The following MACROD2 variants were observed in gnomAD, a reference collection of about 807,000 sequenced individuals.
MACROD2 encodes mono-ADP ribosylhydrolase 2, also known as ADP-ribose glycohydrolase MACROD2.
In MACROD2, 36 loss-of-function variants were observed where a neutral mutation model predicts 70.4. The ratio of observed to expected loss-of-function variants is 0.51; its 90% CI spans 0.39 to 0.68. MACROD2 has a LOEUF of 0.68. MACROD2 is among the 30% of genes least tolerant of loss of function. MACROD2 has a pLI of 0.00. For missense variants in MACROD2, 496 were observed against 538.4 expected (o/e 0.92, Z 0.78); for synonymous variants, 172 against 178.8 (o/e 0.96, Z 0.30).
At chr20:14,187,546 A>G (rs1475866657) in intron 3 of MACROD2, among the ~76,000 whole-genome samples, 1 of 152,228 alleles carries the variant, frequency 6.6e-6, no homozygotes. Context: ...AAGTAATTTC[A>G]GAAAAATCAA....
intron 5 of MACROD2, among the ~76,000 whole-genome samples, chr20:14,868,104 C>G (rs979097025): frequency 6.6e-6 from 1 of 152,002 alleles, no homozygotes; most frequent in African/African-American, 2.4e-5. Flanking sequence ...GACATTATCA[C>G]TGACCTTATA....
At chr20:15,666,126 C>T (rs2049894239) in intron 8 of MACROD2, among the ~76,000 whole-genome samples, 1 of 151,990 alleles carries the variant, frequency 6.6e-6, no homozygotes, top group South Asian at 2.1e-4. Flanking sequence ...TTCTTAAGAC[C>T]TTCATAAAAT....
intron 5 of MACROD2, among the ~76,000 whole-genome samples, chr20:15,217,072 C>A (rs1329764011): frequency 6.6e-6 from 1 of 152,030 alleles, no homozygotes; most frequent in Non-Finnish European, 1.5e-5. Flanking sequence ...CCACCCGCAA[C>A]AACAAAAAAT....
intron 6 of MACROD2, among the ~76,000 whole-genome samples, chr20:15,353,855 T>G (rs2146229423): frequency 1.0e-5 from 1 of 98,314 alleles, no homozygotes; most frequent in East Asian, 3.9e-4. Context: ...AAACAACAGG[T>G]GCTGGAGAGG....
chr20:14,351,616 A>T (rs1326799355), intron 3 of MACROD2, among the ~76,000 whole-genome samples: 1 of 152,114 alleles, frequency 6.6e-6, no homozygotes, highest in Non-Finnish European at 1.5e-5. Flanking sequence ...TACTGAATTT[A>T]TCAGTTCTAA....
chr20:15,741,124 G>C (rs1486136690), intron 8 of MACROD2, among the ~76,000 whole-genome samples: 1 of 133,700 alleles, frequency 7.5e-6, no homozygotes, highest in Non-Finnish European at 1.5e-5. Context: ...GTGGAGTCTC[G>C]CTCTGTCACC....
At chr20:15,151,974 G>A (rs1265965545) in intron 5 of MACROD2, among the ~76,000 whole-genome samples, 1 of 151,924 alleles carries the variant, frequency 6.6e-6, no homozygotes, top group Non-Finnish European at 1.5e-5. Flanking sequence ...CTTGGGGTTG[G>A]GACTGAGGGG....
intron 5 of MACROD2, among the ~76,000 whole-genome samples, chr20:14,762,459 A>C (rs1389964591): frequency 1.3e-5 from 2 of 152,150 alleles, no homozygotes; most frequent in East Asian, 3.8e-4. Context: ...CAAATCAAAA[A>C]CAAAAATAAA....
At chr20:15,384,505 A>G (rs1020187648) in intron 6 of MACROD2, among the ~76,000 whole-genome samples, 2 of 152,172 alleles carry the variant, frequency 1.3e-5, no homozygotes, top group Admixed American at 1.3e-4. Flanking sequence ...CATGAACTAC[A>G]TGAAACCTCG....
intron 7 of MACROD2, among the ~76,000 whole-genome samples, chr20:15,462,902 T>A (rs2046837225): frequency 6.6e-6 from 1 of 152,294 alleles, no homozygotes; most frequent in South Asian, 2.1e-4. Flanking sequence ...AGTAAAAGGG[T>A]TTTTTCCCCT....
intron 8 of MACROD2, among the ~76,000 whole-genome samples, chr20:15,739,943 A>C (rs1352866345): frequency 6.6e-6 from 1 of 152,234 alleles, no homozygotes; most frequent in African/African-American, 2.4e-5. Context: ...TGTCTGACAC[A>C]TGGGAAACAT....
intron 5 of MACROD2, among the ~76,000 whole-genome samples, chr20:14,906,409 G>T (rs1267524748): frequency 1.3e-5 from 2 of 152,152 alleles, no homozygotes; most frequent in Admixed American, 6.5e-5. Context: ...CAGGAGAATC[G>T]CTTGAACCCG....
At chr20:15,219,877 G>C (rs1316278071) in intron 5 of MACROD2, among the ~76,000 whole-genome samples, 1 of 149,278 alleles carries the variant, frequency 6.7e-6, no homozygotes, top group South Asian at 2.1e-4. Flanking sequence ...CTAAAACAAA[G>C]CAGATTTATT....
intron 13 of MACROD2, among the ~76,000 whole-genome samples, chr20:15,985,503 C>T (rs1211118725): frequency 2.0e-5 from 3 of 152,190 alleles, no homozygotes; most frequent in African/African-American, 7.2e-5. Context: ...CTAGTCTTAC[C>T]AAGTTTCAGA....
At chr20:15,740,626 C>T (rs2051090033) in intron 8 of MACROD2, among the ~76,000 whole-genome samples, 1 of 152,046 alleles carries the variant, frequency 6.6e-6, no homozygotes, top group African/African-American at 2.4e-5. Context: ...CTCTATTTGC[C>T]ATTTGGGGTT....
rs983416032 is a variant in MACROD2 at position 15,496,024 on chromosome 20, G to T, written c.572-3750G>T. Among the ~76,000 whole-genome samples, 3 of 152,300 alleles carry T rather than the reference G, an allele frequency of 2.0e-5. No homozygotes were observed. The East Asian group carries it at 5.8e-4, about 29-fold the overall frequency. On this transcript the variant is annotated intron_variant, in intron 7 of 17. Transcript: ENST00000684519. ...AAAGACCAGAAAGAAGGCCAGTGTC[G>T]TTGCAGTGGAGGAAACAAAGAGCAA...
intron 6 of MACROD2, among the ~76,000 whole-genome samples, chr20:15,301,482 G>T (rs1165230989): frequency 6.6e-6 from 1 of 151,748 alleles, no homozygotes; most frequent in African/African-American, 2.4e-5. Context: ...TTTACTCAGA[G>T]AGTTGAGAGT....
At chr20:14,568,738 G>C (rs1600395715) in intron 4 of MACROD2, among the ~76,000 whole-genome samples, 1 of 151,848 alleles carries the variant, frequency 6.6e-6, no homozygotes, top group South Asian at 2.1e-4. Context: ...TTTGGCATAG[G>C]GGCAAGGAAA....
At chr20:14,146,511 A>T (rs2054945534) in intron 3 of MACROD2, among the ~76,000 whole-genome samples, 1 of 152,064 alleles carries the variant, frequency 6.6e-6, no homozygotes, top group Non-Finnish European at 1.5e-5. Flanking sequence ...AGAATTCAGC[A>T]GTTAATTGGA....
Sources: allele counts gnomAD v4.1 joint callset (sites outside exome capture counted in the v4.1 genomes callset), GRCh38; gene constraint gnomAD v4.1.1; transcripts MANE v1.5; gene names NCBI Gene and HGNC (gene_info 2026-07-23, HGNC 2026-07-21).